The following ST6GALNAC5 variants were observed in gnomAD, a reference collection of about 807,000 sequenced individuals.
ST6GALNAC5 encodes alpha-N-acetylgalactosaminide alpha-2,6-sialyltransferase 5.
A neutral mutation model predicts 33.6 loss-of-function variants in ST6GALNAC5; 27 were observed. The ratio of observed to expected loss-of-function variants is 0.80; its 90% CI spans 0.59 to 1.11. The LOEUF (loss-of-function observed/expected upper bound fraction) is 1.11. ST6GALNAC5 is among the 50% of genes least tolerant of loss of function. The probability of loss-of-function intolerance (pLI) is 0.00; values close to 1 mark genes in which losing one functional copy is unlikely to be tolerated. For missense variants in ST6GALNAC5, 428 were observed against 454.0 expected (o/e 0.94, Z 0.52); for synonymous variants, 194 against 171.2 (o/e 1.13, Z -1.04).
intron 2 of ST6GALNAC5, among the ~76,000 whole-genome samples, chr1:76,978,814 A>G (rs949416791): frequency 3.3e-5 from 5 of 152,024 alleles, no homozygotes; most frequent in Non-Finnish European, 5.9e-5. Context: ...GGACATCCAA[A>G]TCTGAAAGGA....
intron 2 of ST6GALNAC5, among the ~76,000 whole-genome samples, chr1:76,998,898 T>C (rs965034751): frequency 7.9e-5 from 12 of 152,148 alleles, no homozygotes; most frequent in African/African-American, 2.7e-4. Flanking sequence ...GCCAGCCTGT[T>C]ATAGAAGACA....
chr1:76,895,491 T>C (rs890668367), intron 2 of ST6GALNAC5, among the ~76,000 whole-genome samples: 62 of 152,150 alleles, frequency 4.1e-4, no homozygotes, highest in African/African-American at 1.3e-3. Context: ...TTTGTATGAA[T>C]TGAAAAACTA....
At position 76,867,498 on chromosome 1, in the gene ST6GALNAC5, A is replaced by G. The variant is rs930276764; in HGVS notation, c.-178A>G. On this transcript the variant is annotated 5_prime_UTR_variant, in exon 1 of 5. Transcript: ENST00000477717. The stretch of plus-strand genomic sequence containing the variant: ...CCGGTTCAGTTTTAATTCTGTCTCT[A>G]ATCTCTGCAACAGCCGCGCTTCCCG... The G allele has an allele frequency of 3.1e-5, 27 of 882,188 alleles. No homozygotes were observed. In the Admixed American group the frequency reaches 5.2e-4, roughly 17 times the overall value. The allele number at this position is 882,188 out of a possible 1,614,324, so 54.6% of individuals were successfully genotyped here.
At chr1:77,044,079 C>G (rs1335764468) in intron 2 of ST6GALNAC5, 125 bp from the exon 3 acceptor site, 1 of 1,090,650 alleles carries the variant, frequency 9.2e-7, no homozygotes, top group Non-Finnish European at 1.3e-6. Context: ...GGGATATACT[C>G]TGACATGATG....
intron 2 of ST6GALNAC5, among the ~76,000 whole-genome samples, chr1:77,008,368 GC>G (rs1650505725): frequency 6.6e-6 from 1 of 152,080 alleles, no homozygotes; most frequent in African/African-American, 2.4e-5. Context: ...TGGACCTTGG[GC>G]AAATGACTTA....
intron 2 of ST6GALNAC5, among the ~76,000 whole-genome samples, chr1:76,999,025 T>C (rs1016919820): frequency 2.6e-5 from 4 of 152,200 alleles, no homozygotes; most frequent in African/African-American, 7.2e-5. Context: ...CAGCTGGCTC[T>C]TTTCAGACAG....
chr1:76,995,880 TC>T lies in ST6GALNAC5; in HGVS notation c.262-48321del, dbSNP rs1196517322. ...TGTATCTTTTGGCTCACCATTTCAT[TC>T]CCACGACTAGCATGGAGCCGAAGAG... is the stretch of plus-strand genomic sequence containing the variant. On this transcript the variant is annotated intron_variant, in intron 2 of 4. Transcript: ENST00000477717. Among the ~76,000 whole-genome samples, 7 of 152,244 alleles carry T rather than the reference TC, an allele frequency of 4.6e-5. No homozygotes were observed. The East Asian group carries it at 1.4e-3, about 29-fold the overall frequency.
chr1:77,016,615 C>T (rs949080681), intron 2 of ST6GALNAC5, among the ~76,000 whole-genome samples: 3 of 151,966 alleles, frequency 2.0e-5, no homozygotes, highest in African/African-American at 7.2e-5. Flanking sequence ...GGATTTAAGG[C>T]CAGGCTCTCT....
At chr1:76,880,511 A>G (rs1653755392) in intron 2 of ST6GALNAC5, among the ~76,000 whole-genome samples, 1 of 152,176 alleles carries the variant, frequency 6.6e-6, no homozygotes, top group Non-Finnish European at 1.5e-5. Context: ...CACAGGTTCC[A>G]CAATAGGCTG....
intron 2 of ST6GALNAC5, among the ~76,000 whole-genome samples, chr1:76,966,829 G>A (rs1361896488): frequency 1.3e-5 from 2 of 152,162 alleles, no homozygotes; most frequent in Admixed American, 6.5e-5. Context: ...TTTATCAAAG[G>A]CCTTTTCTGC....
At chr1:76,886,426 G>C (rs942797214) in intron 2 of ST6GALNAC5, among the ~76,000 whole-genome samples, 1 of 151,936 alleles carries the variant, frequency 6.6e-6, no homozygotes, top group Non-Finnish European at 1.5e-5. Flanking sequence ...CCAGTCTATG[G>C]GTAGAATAAT....
Position 76,868,616 on chromosome 1 carries a change from A to G in ST6GALNAC5, c.135A>G (p.Gln45=), listed in dbSNP as rs949282753. 3.1e-6 allele frequency: 5 copies of G among 1,608,912 alleles called. No individual in the cohort carries two copies. Among genetic ancestry groups the G allele is most frequent in the Middle Eastern group, 1.7e-4 (1 of 6,030 alleles). ...CGCAGCAGCAGCAGCAGCAGCAGCA[A>G]CAGCAGCAGCAGGCGTCGGCCACCG... ...RPPQQQQQQQ[Q]QQQQASATGS... Residue 45 remains glutamine, a synonymous_variant, in exon 2 of 5, where the codon CAA becomes CAG. Coordinates refer to ENST00000477717, the MANE Select transcript of ST6GALNAC5 (RefSeq NM_030965.3). The surrounding 1 kb of genome is among the most constrained non-coding windows in gnomAD (Gnocchi z 4.3).
intron 2 of ST6GALNAC5, among the ~76,000 whole-genome samples, chr1:76,991,147 T>A: frequency 6.6e-6 from 1 of 152,026 alleles, no homozygotes; most frequent in East Asian, 1.9e-4. Flanking sequence ...GGGAAGACAG[T>A]GGATATGGAG....
chr1:77,016,414 G>A (rs1650855614), intron 2 of ST6GALNAC5, among the ~76,000 whole-genome samples: 1 of 151,178 alleles, frequency 6.6e-6, no homozygotes, highest in South Asian at 2.1e-4. Context: ...CATATTTATG[G>A]AGTATGTGTG....
At chr1:76,955,591 C>G (rs1295078992) in intron 2 of ST6GALNAC5, among the ~76,000 whole-genome samples, 1 of 152,112 alleles carries the variant, frequency 6.6e-6, no homozygotes, top group Non-Finnish European at 1.5e-5. Context: ...AAAGTGTTTA[C>G]AAACTTTACT....
intron 2 of ST6GALNAC5, among the ~76,000 whole-genome samples, chr1:76,923,281 G>GAA (rs5775369): frequency 1.4e-4 from 21 of 146,460 alleles, no homozygotes; most frequent in Non-Finnish European, 1.8e-4. Context: ...ATTACCTAAT[G>GAA]AAAAAAAAAA....
chr1:76,884,344 C>G (rs2100926410), intron 2 of ST6GALNAC5, among the ~76,000 whole-genome samples: 1 of 152,270 alleles, frequency 6.6e-6, no homozygotes, highest in East Asian at 1.9e-4. Context: ...CACCTGAATA[C>G]CACATACTGA....
chr1:76,883,353 G>C (rs1653826353), intron 2 of ST6GALNAC5, among the ~76,000 whole-genome samples: 1 of 152,182 alleles, frequency 6.6e-6, no homozygotes, highest in Non-Finnish European at 1.5e-5. Flanking sequence ...CCACAGAATT[G>C]AAAACTGTAT....
intron 2 of ST6GALNAC5, among the ~76,000 whole-genome samples, chr1:77,015,890 A>G (rs955139706): frequency 7.9e-5 from 12 of 151,948 alleles, no homozygotes; most frequent in Admixed American, 3.3e-4. Context: ...GGTGGGCTGG[A>G]GAGACCCAGG....
Sources: gnomAD v4.1 joint callset for allele counts (sites outside exome capture counted in the v4.1 genomes callset) on GRCh38, gnomAD v4.1.1 for gene constraint, Gnocchi (gnomAD v3.1) non-coding constraint, MANE v1.5 for transcripts, NCBI Gene and HGNC (gene_info 2026-07-23, HGNC 2026-07-21) for gene names.